LMX1A: variants seen among roughly 807,000 people sequenced by gnomAD.
LMX1A encodes the protein LIM homeobox transcription factor 1-alpha.
LMX1A carries 15 observed loss-of-function variants against 49.1 expected under a neutral mutation model. The observed-to-expected ratio is 0.31, with a 90% CI of 0.20 to 0.47. The LOEUF is 0.47. LMX1A is among the 20% of genes least tolerant of loss of function. The pLI, the probability that LMX1A is intolerant of heterozygous loss-of-function variation, is 1.00. For synonymous variants in LMX1A, 167 were observed against 185.7 expected (o/e 0.90, Z 0.82); for missense variants, 372 against 475.8 (o/e 0.78, Z 2.03).
At chr1:165,344,858 C>G (rs1656185226) in intron 3 of LMX1A, among the ~76,000 whole-genome samples, 1 of 152,224 alleles carries the variant, frequency 6.6e-6, no homozygotes, top group Non-Finnish European at 1.5e-5. Context: ...ATTCCCTTTG[C>G]AGGGCCCCAT....
chr1:165,252,375 T>G (rs1157125912), intron 3 of LMX1A, among the ~76,000 whole-genome samples: 2 of 152,232 alleles, frequency 1.3e-5, no homozygotes, highest in Non-Finnish European at 2.9e-5. Context: ...GGGCAACCTA[T>G]GAAAAAACTA....
At position 165,203,807 on chromosome 1, in the gene LMX1A, CT is replaced by C; in HGVS notation, c.*72del. The C allele has an allele frequency of 6.6e-7, 1 of 1,508,832 alleles. No individual in the cohort carries two copies. The highest frequency in any genetic ancestry group is 9.1e-7 in the Non-Finnish European group (1 of 1,093,650). The allele number at this position is 1,508,832 out of a possible 1,614,324, so 93.5% of individuals were successfully genotyped here. A position where few individuals can be genotyped will look rare whatever the true frequency, so the allele number is the denominator to read the frequency against. ...CCACCTCTTCCCTGGCCTCCCTGTC[CT>C]AAAGCCAGTGACCCCTCAAAGAATA... is the stretch of plus-strand genomic sequence containing the variant. On this transcript the variant is annotated 3_prime_UTR_variant, in exon 9 of 9. Coordinates refer to ENST00000342310, the MANE Select transcript of LMX1A (RefSeq NM_177398.4).
intron 5 of LMX1A, chr1:165,211,424 A>G (rs1214637401): frequency 6.6e-6 from 1 of 152,230 alleles, no homozygotes; most frequent in Non-Finnish European, 1.5e-5. Flanking sequence ...ATGCATTTAA[A>G]CATCTGCCTA....
intron 3 of LMX1A, among the ~76,000 whole-genome samples, chr1:165,341,396 T>C (rs1571232717): frequency 6.6e-6 from 1 of 152,186 alleles, no homozygotes; most frequent in African/African-American, 2.4e-5. Flanking sequence ...CCAGTTAACA[T>C]GTCACCTTTT....
At chr1:165,276,335 G>A (rs1653967490) in intron 3 of LMX1A, among the ~76,000 whole-genome samples, 1 of 152,156 alleles carries the variant, frequency 6.6e-6, no homozygotes, top group Non-Finnish European at 1.5e-5. Context: ...GACCCCTGAG[G>A]ATGAAGAGTT....
At chr1:165,300,502 A>G (rs894493286) in intron 3 of LMX1A, among the ~76,000 whole-genome samples, 2 of 152,206 alleles carry the variant, frequency 1.3e-5, no homozygotes, top group African/African-American at 4.8e-5. Flanking sequence ...AGAAAACTCT[A>G]GAGTGAAAGT....
At chr1:165,307,773 C>T (rs1258843632) in intron 3 of LMX1A, among the ~76,000 whole-genome samples, 2 of 152,128 alleles carry the variant, frequency 1.3e-5, no homozygotes, top group Non-Finnish European at 2.9e-5. Context: ...GTAGAAGGAC[C>T]AAGGAAAAGT....
rs34587265 is a variant in LMX1A, at chr1:165,213,671, T to G, written c.639A>C (p.Ser213=). 5.5e-4 allele frequency: 883 copies of G among 1,614,202 alleles called. 2 individuals carry two copies. The highest frequency in any genetic ancestry group is 2.7e-3 in the African/African-American group (202 of 75,060). ...TTQQRRAFKA[S]FEVSSKPCRK... is the part of the protein sequence containing the mutation. Reference sequence around the variant, plus strand: ...TGCAGGGCTTGGAGGATACTTCAAATGAGGCCTTGAATGCTCGCCTCTGTT... The same window carrying G: ...TGCAGGGCTTGGAGGATACTTCAAAGGAGGCCTTGAATGCTCGCCTCTGTT... The change falls in exon 5 of 9, where the codon TCA becomes TCC. Residue 213 remains serine, a synonymous_variant. Coordinates refer to ENST00000342310, the MANE Select transcript of LMX1A (RefSeq NM_177398.4).
rs1653577812 is a variant in LMX1A, at chr1:165,265,090, G to C, written c.264-15450C>G. Among the ~76,000 whole-genome samples, 4 of 151,722 alleles carry C rather than the reference G, an allele frequency of 2.6e-5. No individual in the cohort carries two copies. In the South Asian group the frequency reaches 8.3e-4, roughly 32 times the overall value. The stretch of plus-strand genomic sequence containing the variant: ...ATGGTGGCGGGCACCTGTAGTTCCG[G>C]CTACTCAGGAGGCTGAGGCAGGAGA... On this transcript the variant is annotated intron_variant, in intron 3 of 8. Coordinates refer to ENST00000342310, the MANE Select transcript of LMX1A (RefSeq NM_177398.4).
At chr1:165,302,817 G>C (rs1245017640) in intron 3 of LMX1A, among the ~76,000 whole-genome samples, 2 of 152,184 alleles carry the variant, frequency 1.3e-5, no homozygotes, top group Non-Finnish European at 2.9e-5. Flanking sequence ...CTCTAGGTAT[G>C]TGAGGAGGCT....
At chr1:165,283,646 T>C (rs1654217050) in intron 3 of LMX1A, among the ~76,000 whole-genome samples, 1 of 152,236 alleles carries the variant, frequency 6.6e-6, no homozygotes, top group Non-Finnish European at 1.5e-5. Flanking sequence ...AGCATTGCTT[T>C]TTTCATTTGC....
chr1:165,352,978 T>C, intron 3 of LMX1A, 98 bp downstream of exon 3: 1 of 1,259,542 alleles, frequency 7.9e-7, no homozygotes, highest in Non-Finnish European at 1.1e-6. Flanking sequence ...GCGTGTCTCT[T>C]GGGCCTTCCA....
intron 4 of LMX1A, among the ~76,000 whole-genome samples, chr1:165,225,192 C>T (rs1651990013): frequency 6.6e-6 from 1 of 152,176 alleles, no homozygotes; most frequent in Admixed American, 6.5e-5. Context: ...GGTCAGGAGG[C>T]CCTCAGCCCT....
At chr1:165,207,948 G>T in intron 7 of LMX1A, 115 bp downstream of exon 7, 1 of 820,148 alleles carries the variant, frequency 1.2e-6, no homozygotes, top group Non-Finnish European at 1.9e-6. Flanking sequence ...CAGTGGGTGT[G>T]GTCTAGGCTT....
intron 4 of LMX1A, among the ~76,000 whole-genome samples, chr1:165,235,806 G>A (rs1441262529): frequency 2.0e-5 from 3 of 152,248 alleles, no homozygotes; most frequent in African/African-American, 7.2e-5. Flanking sequence ...ACTCAGGGGA[G>A]GCTCTAATTG....
intron 4 of LMX1A, among the ~76,000 whole-genome samples, chr1:165,245,374 A>G (rs1421952097): frequency 6.6e-6 from 1 of 152,058 alleles, no homozygotes; most frequent in South Asian, 2.1e-4. Context: ...ATCCAGTTTG[A>G]CCCTTTATCA....
chr1:165,243,529 T>C (rs532295538), intron 4 of LMX1A, among the ~76,000 whole-genome samples: 12 of 152,174 alleles, frequency 7.9e-5, no homozygotes, highest in Non-Finnish European at 1.3e-4. Context: ...TTTTCATAGA[T>C]AGAAAACAGA....
intron 3 of LMX1A, among the ~76,000 whole-genome samples, chr1:165,335,092 G>T (rs954642503): frequency 6.6e-6 from 1 of 152,134 alleles, no homozygotes; most frequent in African/African-American, 2.4e-5. Context: ...ATTAGTTTGG[G>T]TTCTGAAATA....
intron 3 of LMX1A, among the ~76,000 whole-genome samples, chr1:165,272,717 C>A (rs921767593): frequency 1.3e-5 from 2 of 152,134 alleles, no homozygotes; most frequent in Admixed American, 6.5e-5. Flanking sequence ...AGAAACCCAG[C>A]AGCTCCAGAG....
Sources: allele counts gnomAD v4.1 joint callset (sites outside exome capture counted in the v4.1 genomes callset), GRCh38; gene constraint gnomAD v4.1.1; transcripts MANE v1.5; gene names NCBI Gene and HGNC (gene_info 2026-07-23, HGNC 2026-07-21).